Variants in B3GALT1 observed in about 807,000 individuals in gnomAD.
B3GALT1 encodes the protein beta-1,3-galactosyltransferase 1.
In B3GALT1, 10 loss-of-function variants were observed where a neutral mutation model predicts 23.2. The ratio of observed to expected loss-of-function variants is 0.43; its 90% CI spans 0.27 to 0.73. The LOEUF (loss-of-function observed/expected upper bound fraction) is 0.73, where lower values mean the gene tolerates loss of function less well. Among genes scored for constraint, B3GALT1 ranks in the 30% least tolerant of loss-of-function variants. B3GALT1 has a pLI of 0.21. For synonymous variants in B3GALT1, 156 were observed against 141.5 expected, an observed-to-expected ratio of 1.10 and a Z score of -0.73; for missense variants, 299 against 405.4, an observed-to-expected ratio of 0.74 and a Z score of 2.25.
intron 4 of B3GALT1, among the ~76,000 whole-genome samples, chr2:167,821,734 C>T (rs2105366358): frequency 7.0e-6 from 1 of 143,362 alleles, no homozygotes; most frequent in East Asian, 2.6e-4. Context: ...TGCACCCAGC[C>T]TAGGAAGGTA....
chr2:167,683,783 C>G (rs1035536750), intron 3 of B3GALT1, among the ~76,000 whole-genome samples: 1 of 152,096 alleles, frequency 6.6e-6, no homozygotes, highest in Non-Finnish European at 1.5e-5. Flanking sequence ...GACAATCCAG[C>G]TTCTGAAGTA....
At chr2:167,544,909 A>G (rs571102439) in intron 2 of B3GALT1, among the ~76,000 whole-genome samples, 36 of 151,738 alleles carry the variant, frequency 2.4e-4, no homozygotes, top group East Asian at 2.0e-4. Flanking sequence ...AGAAACGCGC[A>G]TGTACCCAGA....
intron 1 of B3GALT1, among the ~76,000 whole-genome samples, chr2:167,479,895 T>A (rs867166035): frequency 6.6e-6 from 1 of 152,076 alleles, no homozygotes. Flanking sequence ...ACAGAATAGG[T>A]GCTGCTTATT....
At chr2:167,467,718 TC>T (rs1699369074) in intron 1 of B3GALT1, among the ~76,000 whole-genome samples, 1 of 152,192 alleles carries the variant, frequency 6.6e-6, no homozygotes, top group Admixed American at 6.5e-5. Context: ...TAGGAAAAAA[TC>T]AATCAATCAA....
chr2:167,565,089 C>T (rs555122491), intron 2 of B3GALT1, among the ~76,000 whole-genome samples: 4 of 152,286 alleles, frequency 2.6e-5, no homozygotes, highest in African/African-American at 9.6e-5. Flanking sequence ...AGGCATCACG[C>T]TACCTGACTT....
At chr2:167,783,592 TG>T (rs1455917757) in intron 3 of B3GALT1, among the ~76,000 whole-genome samples, 1 of 152,164 alleles carries the variant, frequency 6.6e-6, no homozygotes, top group African/African-American at 2.4e-5. Context: ...ACAACAGAGC[TG>T]ACAGCTTTAA....
At chr2:167,486,866 A>C (rs1559111401) in intron 1 of B3GALT1, among the ~76,000 whole-genome samples, 1 of 152,216 alleles carries the variant, frequency 6.6e-6, no homozygotes, top group Non-Finnish European at 1.5e-5. Context: ...TTGGAGAAGA[A>C]GGAAAAATCA....
chr2:167,521,985 T>TATATATATATATATATATACATACAC (rs1553464215), intron 2 of B3GALT1, among the ~76,000 whole-genome samples: 1 of 103,378 alleles, frequency 9.7e-6, no homozygotes, highest in African/African-American at 4.6e-5. Context: ...TGTGTGTGTG[T>TATATATATATATATATATACATACAC]ATATATATAT....
At position 167,688,535 on chromosome 2, in the gene B3GALT1, C is replaced by T. The variant is rs548330377; in HGVS notation, c.-352+41569C>T. 5.9e-5 allele frequency among the ~76,000 whole-genome samples: 9 copies of T among 151,932 alleles called. No homozygotes were observed. The East Asian group carries it at 1.6e-3, about 26-fold the overall frequency. On this transcript the variant is annotated intron_variant, in intron 3 of 4. Transcript: ENST00000392690. ...GAAATTTTTAAAACTCGATAGGTGG[C>T]TTAACAATAGAATGGAGGGGACAGG...
chr2:167,474,861 G>T (rs1360522268), intron 1 of B3GALT1, among the ~76,000 whole-genome samples: 1 of 152,070 alleles, frequency 6.6e-6, no homozygotes, highest in East Asian at 1.9e-4. Flanking sequence ...GTACGTAAAT[G>T]TGATTATAAA....
intron 3 of B3GALT1, among the ~76,000 whole-genome samples, chr2:167,747,916 A>G (rs13401460): frequency 0.18 from 27,477 of 152,118 alleles, 2,617 homozygotes; most frequent in Non-Finnish European, 0.22. Flanking sequence ...TTTCAGGCCA[A>G]TGGTTAAGTA....
intron 2 of B3GALT1, among the ~76,000 whole-genome samples, chr2:167,612,156 C>T (rs192528975): frequency 1.1e-3 from 163 of 151,954 alleles, no homozygotes; most frequent in African/African-American, 3.6e-3. Flanking sequence ...CCATTTTTCA[C>T]TGTTAAAGGG....
chr2:167,826,572 A>G (rs1689234369), intron 4 of B3GALT1, among the ~76,000 whole-genome samples: 1 of 152,188 alleles, frequency 6.6e-6, no homozygotes, highest in East Asian at 1.9e-4. Context: ...GGTGAGTGTA[A>G]GGGATCAGGT....
intron 2 of B3GALT1, among the ~76,000 whole-genome samples, chr2:167,560,004 C>G (rs1683940321): frequency 6.6e-6 from 1 of 152,012 alleles, no homozygotes. Flanking sequence ...ACATAATAGT[C>G]AGATTCACCA....
chr2:167,379,387 T>G (rs1196243566), intron 1 of B3GALT1, among the ~76,000 whole-genome samples: 1 of 152,076 alleles, frequency 6.6e-6, no homozygotes, highest in Non-Finnish European at 1.5e-5. Context: ...ACCATATCAC[T>G]TTCTTTCCCT....
chr2:167,587,508 C>T (rs1684602915), intron 2 of B3GALT1, among the ~76,000 whole-genome samples: 1 of 152,146 alleles, frequency 6.6e-6, no homozygotes, highest in South Asian at 2.1e-4. Flanking sequence ...AGCTCCAGAC[C>T]TAAATTTTTG....
rs146189175 is a variant in B3GALT1 at position 167,528,365 on chromosome 2, G to C, written c.-410+38088G>C. Among the ~76,000 whole-genome samples, 49 of 152,166 alleles carry C rather than the reference G, an allele frequency of 3.2e-4. No homozygotes were observed. The East Asian group carries it at 9.3e-3, about 29-fold the overall frequency. Reference sequence around the variant, plus strand: ...AATATCTGGGTTTTATTTAATTCTTGGTCTGTTTTGTGCGTCTGGAGTTCC... The same window carrying C: ...AATATCTGGGTTTTATTTAATTCTTCGTCTGTTTTGTGCGTCTGGAGTTCC... On this transcript the variant is annotated intron_variant, in intron 2 of 4. Transcript: ENST00000392690.
At chr2:167,513,464 A>G (rs1052513297) in intron 2 of B3GALT1, among the ~76,000 whole-genome samples, 1 of 152,218 alleles carries the variant, frequency 6.6e-6, no homozygotes, top group Non-Finnish European at 1.5e-5. Flanking sequence ...TTTTGAGACA[A>G]TATGGAAATT....
chr2:167,523,935 G>A (rs559773322), intron 2 of B3GALT1, among the ~76,000 whole-genome samples: 7 of 152,036 alleles, frequency 4.6e-5, no homozygotes, highest in Non-Finnish European at 1.0e-4. Flanking sequence ...AGTATTGCTG[G>A]ATATTTAGCA....
Sources: allele counts gnomAD v4.1 joint callset (sites outside exome capture counted in the v4.1 genomes callset), GRCh38; gene constraint gnomAD v4.1.1; transcripts MANE v1.5; gene names NCBI Gene and HGNC (gene_info 2026-07-23, HGNC 2026-07-21).